Variants in RPSA2 observed in about 807,000 individuals in gnomAD.
RPSA2 encodes the protein small ribosomal subunit protein uS2B.
the RPSA2 span, among the ~76,000 whole-genome samples, chr19:23,854,145 C>T: frequency 6.6e-6 from 1 of 152,066 alleles, no homozygotes; most frequent in East Asian, 1.9e-4. Flanking sequence ...GAAACAGGAA[C>T]CTTGGCAGAC....
the RPSA2 span, among the ~76,000 whole-genome samples, chr19:23,806,714 G>A: frequency 6.7e-6 from 1 of 149,856 alleles, no homozygotes; most frequent in Non-Finnish European, 1.5e-5. Context: ...GAACCTTGAA[G>A]GCAGAGGTTG....
the RPSA2 span, chr19:23,790,912 TCCGTCCCCTGC>T: frequency 4.3e-6 from 2 of 462,746 alleles, no homozygotes; most frequent in Non-Finnish European, 7.8e-6. Flanking sequence ...CAGGTTGGCA[TCCGTCCCCTGC>T]AGCCATAAGA....
the RPSA2 span, among the ~76,000 whole-genome samples, chr19:23,801,685 A>G: frequency 6.6e-6 from 1 of 152,218 alleles, no homozygotes; most frequent in Non-Finnish European, 1.5e-5. Context: ...TAAGTTATTT[A>G]TTTAAACAAA....
chr19:23,867,906 C>T, the RPSA2 span, among the ~76,000 whole-genome samples: 1 of 152,002 alleles, frequency 6.6e-6, no homozygotes. Context: ...CCACCCACTG[C>T]CTTACCTTTA....
the RPSA2 span, among the ~76,000 whole-genome samples, chr19:23,863,756 G>C: frequency 6.6e-6 from 1 of 152,234 alleles, no homozygotes; most frequent in Middle Eastern, 3.4e-3. Flanking sequence ...TCCATTTACT[G>C]TAAAGATAAT....
At chr19:23,781,609 G>A in the RPSA2 span, among the ~76,000 whole-genome samples, 1 of 152,138 alleles carries the variant, frequency 6.6e-6, no homozygotes, top group Non-Finnish European at 1.5e-5. Flanking sequence ...AAGGTGGTGG[G>A]ATTACAGGTG....
the RPSA2 span, among the ~76,000 whole-genome samples, chr19:23,853,986 A>G: frequency 3.9e-5 from 6 of 152,310 alleles, no homozygotes; most frequent in Admixed American, 3.9e-4. Flanking sequence ...TGTTTGGTGC[A>G]GGTGGACCAT....
chr19:23,796,600 G>T, the RPSA2 span, among the ~76,000 whole-genome samples: 11 of 151,846 alleles, frequency 7.2e-5, no homozygotes, highest in South Asian at 1.2e-3. Flanking sequence ...TGGTTGGTTG[G>T]CTCTTTATTA....
chr19:23,801,884 T>A, the RPSA2 span, among the ~76,000 whole-genome samples: 2 of 151,912 alleles, frequency 1.3e-5, no homozygotes, highest in Non-Finnish European at 2.9e-5. Context: ...TTGTGTCAGC[T>A]TTTTTTTAGG....
the RPSA2 span, among the ~76,000 whole-genome samples, chr19:23,850,795 T>C: frequency 2.6e-5 from 4 of 152,126 alleles, no homozygotes; most frequent in African/African-American, 9.7e-5. Context: ...GTATTGTCTT[T>C]AGGAACATTC....
the RPSA2 span, among the ~76,000 whole-genome samples, chr19:23,862,324 C>G: frequency 2.6e-4 from 39 of 151,482 alleles, no homozygotes; most frequent in East Asian, 4.9e-3. Context: ...CATCTACAAA[C>G]AGGGACAATT....
chr19:23,830,878 C>T, the RPSA2 span, among the ~76,000 whole-genome samples: 70 of 151,902 alleles, frequency 4.6e-4, 1 homozygote, highest in Admixed American at 4.5e-3. Flanking sequence ...AAAAAGCTAC[C>T]TGTCAAAATC....
the RPSA2 span, among the ~76,000 whole-genome samples, chr19:23,786,878 G>T: frequency 6.6e-6 from 1 of 152,040 alleles, no homozygotes; most frequent in African/African-American, 2.4e-5. Context: ...ACATGTCTCT[G>T]CATTCCTCAC....
chr19:23,830,232 C>A, the RPSA2 span, among the ~76,000 whole-genome samples: 5 of 152,324 alleles, frequency 3.3e-5, no homozygotes, highest in East Asian at 9.7e-4. Flanking sequence ...GCAACCTCCA[C>A]TTCCCAGGTT....
At chr19:23,820,096 C>A in the RPSA2 span, among the ~76,000 whole-genome samples, 4 of 152,186 alleles carry the variant, frequency 2.6e-5, no homozygotes, top group Non-Finnish European at 5.9e-5. Flanking sequence ...GTTTCAATAT[C>A]CCCCTGCTTG....
At chr19:23,861,712 C>A in the RPSA2 span, among the ~76,000 whole-genome samples, 1 of 152,142 alleles carries the variant, frequency 6.6e-6, no homozygotes, top group African/African-American at 2.4e-5. Flanking sequence ...AATCTCCATT[C>A]CTGACCATCA....
chr19:23,827,466 G>A, the RPSA2 span: 16 of 1,573,884 alleles, frequency 1.0e-5, no homozygotes, highest in East Asian at 4.5e-5. Flanking sequence ...ATTGCTGGCC[G>A]CTTCACTCCT....
the RPSA2 span, among the ~76,000 whole-genome samples, chr19:23,857,744 C>A: frequency 3.9e-5 from 6 of 152,066 alleles, no homozygotes; most frequent in Admixed American, 6.6e-5. Flanking sequence ...ATCCACCCAC[C>A]TTGGCCTCCC....
chr19:23,761,932 T>TCCTTCCTTCC, the RPSA2 span, among the ~76,000 whole-genome samples: 11 of 53,054 alleles, frequency 2.1e-4, no homozygotes, highest in East Asian at 6.1e-3. Flanking sequence ...TTTTTTTTTT[T>TCCTTCCTTCC]TTTGAGATGG....
Sources: allele counts gnomAD v4.1 joint callset (sites outside exome capture counted in the v4.1 genomes callset), GRCh38; gene constraint gnomAD v4.1.1; transcripts MANE v1.5; gene names NCBI Gene and HGNC (gene_info 2026-07-23, HGNC 2026-07-21).